The following NIPA1 variants were observed in gnomAD, a reference collection of about 807,000 sequenced individuals.
The protein encoded by NIPA1 is NIPA magnesium transporter 1.
In NIPA1, 13 loss-of-function variants were observed where a neutral mutation model predicts 23.9. That is an observed-to-expected ratio of 0.54 (90% CI 0.35 to 0.87). The LOEUF is 0.87. NIPA1 is among the 40% of genes least tolerant of loss of function. The probability of loss-of-function intolerance (pLI) is 0.01; values close to 1 mark genes in which losing one functional copy is unlikely to be tolerated. For synonymous variants in NIPA1, 234 were observed against 202.9 expected (o/e 1.15, Z -1.30); for missense variants, 362 against 429.7 (o/e 0.84, Z 1.39).
In NIPA1 at chr15:22,808,679, C is replaced by CTTTTTTTTTTCTT. The variant is rs59983551; in HGVS notation, c.179-2062_179-2061insTTCTTTTTTTTTT. On this transcript the variant is annotated intron_variant, in intron 1 of 4. Coordinates refer to ENST00000337435, the MANE Select transcript of NIPA1 (RefSeq NM_144599.5). ...TGTGATGTGATCAAATAGCAATATTCTTTTTTTTGAGACAGTGTCTCACTC... is the reference window on the plus strand; with the variant it reads ...TGTGATGTGATCAAATAGCAATATTCTTTTTTTTTTCTTTTTTTTTTGAGACAGTGTCTCACTC... 1.6e-5 allele frequency among the ~76,000 whole-genome samples: 2 copies of CTTTTTTTTTTCTT among 128,338 alleles called. 1 individual carries two copies. The highest frequency in any genetic ancestry group is 3.2e-5 in the Non-Finnish European group (2 of 63,480). 84.2% of individuals were successfully genotyped at this position (128,338 alleles called of 152,430 possible).
chr15:22,815,226 A>T (rs919026404), intron 3 of NIPA1, among the ~76,000 whole-genome samples: 1 of 152,238 alleles, frequency 6.6e-6, no homozygotes, highest in Non-Finnish European at 1.5e-5. Flanking sequence ...ACAGTGATCA[A>T]TTTCGATAAA....
chr15:22,799,240 A>G (rs972798605), intron 1 of NIPA1, among the ~76,000 whole-genome samples: 3 of 152,210 alleles, frequency 2.0e-5, no homozygotes, highest in South Asian at 4.1e-4. Context: ...ATGGAATACT[A>G]TGCAGCCATA....
chr15:22,789,378 C>T (rs1179282938), intron 1 of NIPA1, among the ~76,000 whole-genome samples: 2 of 152,152 alleles, frequency 1.3e-5, no homozygotes, highest in African/African-American at 4.8e-5. Context: ...TAGGCTTTAG[C>T]TCTATGACTC....
chr15:22,810,215 G>C (rs1404042891), intron 1 of NIPA1, among the ~76,000 whole-genome samples: 2 of 152,164 alleles, frequency 1.3e-5, no homozygotes, highest in Non-Finnish European at 2.9e-5. Context: ...AGAGGATGCC[G>C]GCAAGTCTCA....
At chr15:22,814,975 C>T (rs1895388187) in intron 3 of NIPA1, among the ~76,000 whole-genome samples, 1 of 152,250 alleles carries the variant, frequency 6.6e-6, no homozygotes, top group African/African-American at 2.4e-5. Flanking sequence ...TGGCCTTCAC[C>T]TCCCAGATGC....
At chr15:22,798,606 T>A (rs1161357926) in intron 1 of NIPA1, among the ~76,000 whole-genome samples, 3 of 146,958 alleles carry the variant, frequency 2.0e-5, no homozygotes, top group Middle Eastern at 3.5e-3. Context: ...CCCAGCACCT[T>A]GGGAGGCTGA....
chr15:22,794,476 C>T (rs1476587510), intron 1 of NIPA1, among the ~76,000 whole-genome samples: 1 of 152,062 alleles, frequency 6.6e-6, no homozygotes, highest in African/African-American at 2.4e-5. Flanking sequence ...GAGCTGAACA[C>T]TTCAAAATGG....
rs1352172554 is a variant in NIPA1, at chr15:22,804,937, CACCATTCTCCT to C, written c.179-5811_179-5801del. On this transcript the variant is annotated intron_variant, in intron 1 of 4. Coordinates refer to ENST00000337435, the MANE Select transcript of NIPA1 (RefSeq NM_144599.5). The stretch of plus-strand genomic sequence containing the variant: ...CTGCAAGCTCCGCCTCCTGGGTTCA[CACCATTCTCCT>C]GCCTCAGCCTCCCGAGTGAGTAGCT... Among the ~76,000 whole-genome samples, 5 of 151,972 alleles carry C rather than the reference CACCATTCTCCT, an allele frequency of 3.3e-5. No homozygotes were observed. In the East Asian group the frequency reaches 9.7e-4, roughly 29 times the overall value.
intron 2 of NIPA1, among the ~76,000 whole-genome samples, chr15:22,811,214 T>G (rs948218092): frequency 6.6e-6 from 1 of 152,146 alleles, no homozygotes; most frequent in Non-Finnish European, 1.5e-5. Flanking sequence ...ATTTCATGAG[T>G]CAAAGATCAG....
At chr15:22,810,033 T>G in intron 1 of NIPA1, among the ~76,000 whole-genome samples, 1 of 140,828 alleles carries the variant, frequency 7.1e-6, no homozygotes, top group African/African-American at 3.1e-5. Context: ...GCAACAAGAG[T>G]GAAACTCTGC....
In NIPA1 at chr15:22,787,587, T is replaced by C. The variant is rs373436201; in HGVS notation, c.178+753T>C. Among the ~76,000 whole-genome samples, 135 of 152,322 alleles carry C rather than the reference T, an allele frequency of 8.9e-4. 4 individuals carry two copies. In the East Asian group the frequency reaches 0.017, roughly 19 times the overall value. On this transcript the variant is annotated intron_variant, in intron 1 of 4. Coordinates refer to ENST00000337435, the MANE Select transcript of NIPA1 (RefSeq NM_144599.5). Reference sequence around the variant, plus strand: ...TAGTGCTCTGCGGGGTAGAGCTCTCTGTCAGTGTCGTTTGTGCTGGGAGGC... The same window carrying C: ...TAGTGCTCTGCGGGGTAGAGCTCTCCGTCAGTGTCGTTTGTGCTGGGAGGC...
At chr15:22,813,083 G>C (rs17137334) in intron 3 of NIPA1, among the ~76,000 whole-genome samples, 1 of 151,892 alleles carries the variant, frequency 6.6e-6, no homozygotes, top group Admixed American at 6.6e-5. Flanking sequence ...AGAAGGTCCC[G>C]GGTTTGGTTC....
At chr15:22,805,007 A>G (rs1296958248) in intron 1 of NIPA1, among the ~76,000 whole-genome samples, 1 of 151,704 alleles carries the variant, frequency 6.6e-6, no homozygotes, top group Non-Finnish European at 1.5e-5. Context: ...TGCCTGGCTA[A>G]TTTTTTGCAT....
rs542182507 is a variant in NIPA1, at chr15:22,806,876, CAG to C, written c.179-3872_179-3871del. ...GCCATGCACTTCCTGCAGGGCAGAACAGGGGACACCCCTGGACCGAGGCTCTC... is the reference window on the plus strand; with the variant it reads ...GCCATGCACTTCCTGCAGGGCAGAACGGGACACCCCTGGACCGAGGCTCTC... On this transcript the variant is annotated intron_variant, in intron 1 of 4. Coordinates refer to ENST00000337435, the MANE Select transcript of NIPA1 (RefSeq NM_144599.5). Among the ~76,000 whole-genome samples, 141 of 152,258 alleles carry C rather than the reference CAG, an allele frequency of 9.3e-4. No individual in the cohort carries two copies. In the South Asian group the frequency reaches 9.3e-3, roughly 10 times the overall value.
intron 4 of NIPA1, among the ~76,000 whole-genome samples, chr15:22,821,734 GCTGGTTTTCTTGTCCACACTCT>G (rs1424562538): frequency 1.3e-5 from 2 of 151,496 alleles, no homozygotes; most frequent in African/African-American, 2.4e-5. Flanking sequence ...GTCCACACTC[GCTGGTTTTCTTGTCCACACTCT>G]CTGGTTTGCA....
chr15:22,804,069 C>G (rs1335200124), intron 1 of NIPA1, among the ~76,000 whole-genome samples: 1 of 151,960 alleles, frequency 6.6e-6, no homozygotes, highest in Non-Finnish European at 1.5e-5. Flanking sequence ...CTCTGCCTCC[C>G]TAGTTCGAGC....
At chr15:22,793,348 A>T (rs1595630484) in intron 1 of NIPA1, among the ~76,000 whole-genome samples, 1 of 100,246 alleles carries the variant, frequency 1.0e-5, no homozygotes, top group African/African-American at 4.3e-5. Context: ...ACGGAGTGAG[A>T]CTGTGTCTCA....
At chr15:22,809,326 G>C (rs1895274184) in intron 1 of NIPA1, among the ~76,000 whole-genome samples, 1 of 152,076 alleles carries the variant, frequency 6.6e-6, no homozygotes, top group Non-Finnish European at 1.5e-5. Flanking sequence ...GGCAGAGGTT[G>C]TAGTCAGCTG....
Position 22,824,414 on chromosome 15 carries a change from A to T in NIPA1, c.*175A>T, listed in dbSNP as rs1895608584. 1.6e-6 allele frequency: 1 copy of T among 640,360 alleles called. No homozygotes were observed. Among genetic ancestry groups the T allele is most frequent in the Non-Finnish European group, 2.8e-6 (1 of 357,876 alleles). 39.7% of individuals were successfully genotyped at this position (640,360 alleles called of 1,614,324 possible). A position where few individuals can be genotyped will look rare whatever the true frequency, so the allele number is the denominator to read the frequency against. ...TCAGCACCAGAGCAGAGGCCCAGCC[A>T]GCCCTCTGCAGCCCAAACGTCCCCA... On this transcript the variant is annotated 3_prime_UTR_variant, in exon 5 of 5. Transcript: ENST00000337435. This position sits in a 1 kb window ranked among gnomAD's most constrained non-coding sequence, Gnocchi z 4.1.
Sources: allele counts gnomAD v4.1 joint callset (sites outside exome capture counted in the v4.1 genomes callset), GRCh38; gene constraint gnomAD v4.1.1; non-coding constraint Gnocchi (gnomAD v3.1); transcripts MANE v1.5; gene names NCBI Gene and HGNC (gene_info 2026-07-23, HGNC 2026-07-21).